Variants in VKORC1L1 observed in about 807,000 individuals in gnomAD.
VKORC1L1 encodes vitamin K epoxide reductase complex subunit 1L1.
In VKORC1L1, 2 loss-of-function variants were observed where a neutral mutation model predicts 18.9. The ratio of observed to expected loss-of-function variants is 0.11; its 90% confidence interval spans 0.04 to 0.33. The LOEUF (loss-of-function observed/expected upper bound fraction) is 0.33. Ranked by LOEUF, VKORC1L1 falls within the 10% of genes least tolerant of loss-of-function variation. The pLI, the probability that VKORC1L1 is intolerant of heterozygous loss-of-function variation, is 1.00. For missense variants in VKORC1L1, 123 were observed against 224.1 expected (o/e 0.55, Z 2.88); for synonymous variants, 96 against 100.0 (o/e 0.96, Z 0.24).
At chr7:65,886,839 G>GTTT (rs56234924) in intron 1 of VKORC1L1, among the ~76,000 whole-genome samples, 12,354 of 58,622 alleles carry the variant, frequency 0.21, 3,333 homozygotes, top group Non-Finnish European at 0.31. Context: ...GCCTGTCCGA[G>GTTT]TTTTTTTTTT....
At chr7:65,912,904 G>A (rs918048319) in intron 1 of VKORC1L1, among the ~76,000 whole-genome samples, 6 of 152,026 alleles carry the variant, frequency 3.9e-5, no homozygotes, top group African/African-American at 1.5e-4. Context: ...TTCCATTTCT[G>A]TATGTATTTC....
chr7:65,934,447 T>C (rs1161965758), intron 1 of VKORC1L1, among the ~76,000 whole-genome samples: 1 of 152,234 alleles, frequency 6.6e-6, no homozygotes, highest in Non-Finnish European at 1.5e-5. Context: ...TTATTTACTA[T>C]GTTCACTATG....
intron 1 of VKORC1L1, among the ~76,000 whole-genome samples, chr7:65,882,497 C>T (rs747935782): frequency 1.3e-5 from 2 of 150,468 alleles, no homozygotes; most frequent in Non-Finnish European, 2.9e-5. Context: ...ATAATGCTTA[C>T]ACCCAGGACA....
At chr7:65,882,094 AAT>A (rs1788938004) in intron 1 of VKORC1L1, among the ~76,000 whole-genome samples, 1 of 150,140 alleles carries the variant, frequency 6.7e-6, no homozygotes. Context: ...AATAAAATAA[AAT>A]AGACTGGGTG....
rs193280473 is a variant in VKORC1L1 at position 65,909,853 on chromosome 7, G to C, written c.194+36288G>C. ...TTGTCTCAACCTCCTGAGTAGCTGG[G>C]ATTACAGGCATGTGCCACCATGCCC... On this transcript the variant is annotated intron_variant, in intron 1 of 2. Transcript: ENST00000360768. Among the ~76,000 whole-genome samples the C allele has an allele frequency of 3.9e-5, 6 of 152,066 alleles. No homozygotes were observed. The Middle Eastern group carries it at 0.01, about 259-fold the overall frequency.
At chr7:65,883,949 T>G (rs1451859950) in intron 1 of VKORC1L1, among the ~76,000 whole-genome samples, 1 of 152,230 alleles carries the variant, frequency 6.6e-6, no homozygotes, top group East Asian at 1.9e-4. Context: ...GTTGGCTGTC[T>G]TGTGATTACC....
At chr7:65,890,162 G>C (rs1160316760) in intron 1 of VKORC1L1, among the ~76,000 whole-genome samples, 1 of 133,046 alleles carries the variant, frequency 7.5e-6, no homozygotes, top group Non-Finnish European at 1.5e-5. Context: ...ACAGAGTCTC[G>C]CTCTGTTTCC....
At chr7:65,888,454 A>C (rs1052294428) in intron 1 of VKORC1L1, among the ~76,000 whole-genome samples, 1 of 152,112 alleles carries the variant, frequency 6.6e-6, no homozygotes, top group Admixed American at 6.6e-5. Flanking sequence ...TCATCTTCCC[A>C]GTTCTCAAAC....
rs1246442227 is a variant in VKORC1L1, at chr7:65,957,111, TC to T, written c.*2813del. On this transcript the variant is annotated 3_prime_UTR_variant, in exon 3 of 3. Coordinates refer to ENST00000360768, the MANE Select transcript of VKORC1L1 (RefSeq NM_173517.6). ...CTAGCTGTGTGCCCAGAATCACTGT[TC>T]CTTCATACATGTGTCCTCTCCTTAA... 1.3e-5 allele frequency: 2 copies of T among 152,368 alleles called. No individual in the cohort carries two copies. Among genetic ancestry groups the T allele is most frequent in the South Asian group, 4.1e-4 (2 of 4,828 alleles). The allele number at this position is 152,368 out of a possible 1,614,324, so 9.4% of individuals were successfully genotyped here.
Position 65,880,564 on chromosome 7 carries a change from C to T in VKORC1L1, c.194+6999C>T, listed in dbSNP as rs1387794883. Among the ~76,000 whole-genome samples, 7 of 152,034 alleles carry T rather than the reference C, an allele frequency of 4.6e-5. No homozygotes were observed. In the East Asian group the frequency reaches 5.8e-4, roughly 13 times the overall value. The stretch of plus-strand genomic sequence containing the variant: ...CTGTCCTAGATTGGGGTAGCTTTTT[C>T]GGAGGGAGGCCTTGTCGTGTGGACC... On this transcript the variant is annotated intron_variant, in intron 1 of 2. Coordinates refer to ENST00000360768, the MANE Select transcript of VKORC1L1 (RefSeq NM_173517.6).
At chr7:65,942,344 T>C (rs1420251172) in intron 1 of VKORC1L1, among the ~76,000 whole-genome samples, 2 of 150,906 alleles carry the variant, frequency 1.3e-5, no homozygotes, top group African/African-American at 4.9e-5. Flanking sequence ...AAAAAAAAAC[T>C]AGCCTGACAT....
At chr7:65,929,499 A>C (rs1228623766) in intron 1 of VKORC1L1, among the ~76,000 whole-genome samples, 1 of 152,000 alleles carries the variant, frequency 6.6e-6, no homozygotes, top group Non-Finnish European at 1.5e-5. Context: ...CCACTACCAC[A>C]CTGTCTTGAT....
chr7:65,954,407 TC>T lies in VKORC1L1; in HGVS notation c.*110del. On this transcript the variant is annotated 3_prime_UTR_variant, in exon 3 of 3. Coordinates refer to ENST00000360768, the MANE Select transcript of VKORC1L1 (RefSeq NM_173517.6). Reference sequence around the variant, plus strand: ...TTATTATTATTCACAACAGACACTTTCCCTAAGAATCTCAAACTGATTTTTA... The same window carrying T: ...TTATTATTATTCACAACAGACACTTTCCTAAGAATCTCAAACTGATTTTTA... The T allele has an allele frequency of 2.1e-6, 3 of 1,410,698 alleles. No homozygotes were observed. The highest frequency in any genetic ancestry group is 2.8e-6 in the Non-Finnish European group (3 of 1,080,940). The allele number at this position is 1,410,698 out of a possible 1,614,324, so 87.4% of individuals were successfully genotyped here.
chr7:65,922,625 A>G (rs574992157), intron 1 of VKORC1L1, among the ~76,000 whole-genome samples: 5 of 152,330 alleles, frequency 3.3e-5, no homozygotes, highest in East Asian at 1.9e-4. Flanking sequence ...TTTGGCGTGA[A>G]CAAATTCAGT....
intron 1 of VKORC1L1, among the ~76,000 whole-genome samples, chr7:65,908,680 A>G (rs574610174): frequency 3.6e-4 from 54 of 151,932 alleles, no homozygotes; most frequent in African/African-American, 1.3e-3. Flanking sequence ...TACTAAAAAT[A>G]CAAAAAATTA....
At chr7:65,916,115 T>TAAAAAAAA (rs35219358) in intron 1 of VKORC1L1, among the ~76,000 whole-genome samples, 3 of 126,632 alleles carry the variant, frequency 2.4e-5, no homozygotes, top group African/African-American at 8.9e-5. Flanking sequence ...TGTCTAAAAT[T>TAAAAAAAA]AAAAAAAAAA....
upstream of VKORC1L1, among the ~76,000 whole-genome samples, chr7:65,872,670 G>C (rs970113111): frequency 6.6e-6 from 1 of 152,050 alleles, no homozygotes; most frequent in African/African-American, 2.4e-5. Context: ...TTAAAACATA[G>C]TTTTGCACAT....
At chr7:65,942,556 G>A (rs1391029110) in intron 1 of VKORC1L1, among the ~76,000 whole-genome samples, 4 of 148,756 alleles carry the variant, frequency 2.7e-5, no homozygotes, top group East Asian at 2.0e-4. Context: ...TCTTTTAATC[G>A]AGATGGAGTC....
chr7:65,872,473 G>A (rs373582453), upstream of VKORC1L1, among the ~76,000 whole-genome samples: 81 of 151,694 alleles, frequency 5.3e-4, 1 homozygote, highest in African/African-American at 2.0e-3. Flanking sequence ...CCACGACACC[G>A]GGCTAATTTG....
Sources: gnomAD v4.1 joint callset for allele counts (sites outside exome capture counted in the v4.1 genomes callset) on GRCh38, gnomAD v4.1.1 for gene constraint, MANE v1.5 for transcripts, NCBI Gene and HGNC (gene_info 2026-07-23, HGNC 2026-07-21) for gene names.